Variants in PCDH15 observed in about 807,000 individuals in gnomAD.
PCDH15 encodes protocadherin-15.
In PCDH15, 129 loss-of-function variants were observed where a neutral mutation model predicts 178.5. That is an observed-to-expected ratio of 0.72 (90% CI 0.63 to 0.84). PCDH15 has a LOEUF of 0.84. Among genes scored for constraint, PCDH15 ranks in the 40% least tolerant of loss-of-function variants. PCDH15 has a pLI of 0.00. For missense variants in PCDH15, 2,230 were observed against 2,099.9 expected, an observed-to-expected ratio of 1.06 and a Z score of -1.21; for synonymous variants, 800 against 732.0, an observed-to-expected ratio of 1.09 and a Z score of -1.50.
At chr10:54,445,403 C>A (rs368024302) in intron 3 of PCDH15, among the ~76,000 whole-genome samples, 1 of 151,454 alleles carries the variant, frequency 6.6e-6, no homozygotes, top group Admixed American at 6.6e-5. Context: ...CCTGAATGTG[C>A]AATAAGTTTC....
At chr10:55,245,627 C>T (rs1021387643) in intron 1 of PCDH15, among the ~76,000 whole-genome samples, 8 of 152,034 alleles carry the variant, frequency 5.3e-5, no homozygotes, top group African/African-American at 1.9e-4. Context: ...TATTTCTGAA[C>T]CCTCAAACAG....
At chr10:54,369,359 C>T (rs954926876) in intron 4 of PCDH15, 84 bp from the exon 5 acceptor site, 11 of 1,212,154 alleles carry the variant, frequency 9.1e-6, no homozygotes, top group Admixed American at 3.9e-5. Flanking sequence ...TCATTCAGTA[C>T]ATTTTTCTAT....
chr10:54,748,655 G>C (rs769812774), intron 1 of PCDH15, among the ~76,000 whole-genome samples: 2 of 152,064 alleles, frequency 1.3e-5, no homozygotes, highest in Non-Finnish European at 2.9e-5. Flanking sequence ...AAGGGTTTCC[G>C]GTGCACTCTG....
At chr10:54,033,100 C>G (rs1349466904) in intron 18 of PCDH15, among the ~76,000 whole-genome samples, 3 of 151,876 alleles carry the variant, frequency 2.0e-5, no homozygotes, top group Admixed American at 1.3e-4. Context: ...TTGGTACACA[C>G]AGCCAAACCA....
At chr10:54,407,901 T>C (rs12782584) in intron 3 of PCDH15, among the ~76,000 whole-genome samples, 5,169 of 151,654 alleles carry the variant, frequency 0.034, 140 homozygotes, top group Admixed American at 0.092. Flanking sequence ...ACTAAAAATA[T>C]ACAAATTAGT....
In PCDH15 at chr10:55,547,910, T is replaced by TGTGTGAGAGAGAGAGA. The variant is rs541144266; in HGVS notation, c.-156+79714_-156+79715insTCTCTCTCTCTCACAC. On this transcript the variant is annotated intron_variant, in intron 2 of 5. Transcript: ENST00000613346. ...TGGTGTGTGTGTCTGTGTGTGTGTG[T>TGTGTGAGAGAGAGAGA]GAGAGAGAGAGAGAGAGAGAGAGAG... Among the ~76,000 whole-genome samples, 154 of 54,486 alleles carry TGTGTGAGAGAGAGAGA rather than the reference T, an allele frequency of 2.8e-3. 2 individuals carry two copies. The highest frequency in any genetic ancestry group is 8.7e-3 in the African/African-American group (108 of 12,378). 35.7% of individuals were successfully genotyped at this position (54,486 alleles called of 152,430 possible).
At chr10:54,984,207 C>T (rs1437740862) in intron 2 of PCDH15, among the ~76,000 whole-genome samples, 2 of 152,106 alleles carry the variant, frequency 1.3e-5, no homozygotes, top group Non-Finnish European at 2.9e-5. Flanking sequence ...CTTCTCCTGC[C>T]CTCTTGTCTC....
chr10:55,585,304 T>A (rs11815577), intron 2 of PCDH15, among the ~76,000 whole-genome samples: 48,680 of 151,952 alleles, frequency 0.32, 8,060 homozygotes, highest in African/African-American at 0.42. Flanking sequence ...CTCAGCTATA[T>A]CTTCTTTTAA....
chr10:54,231,529 G>A (rs746087071), intron 9 of PCDH15, among the ~76,000 whole-genome samples: 6 of 152,240 alleles, frequency 3.9e-5, no homozygotes, highest in Non-Finnish European at 8.8e-5. Context: ...CTGGGGCACT[G>A]CCTATTGGAG....
rs149993181 is a variant in PCDH15 at position 55,439,469 on chromosome 10, A to G, written c.-156+188156T>C. ...GAGAATGACCTTCATTCCAGAAAATATGAGTAGAAAAAAAATGAGCAAAAA... is the reference window on the plus strand; with the variant it reads ...GAGAATGACCTTCATTCCAGAAAATGTGAGTAGAAAAAAAATGAGCAAAAA... On this transcript the variant is annotated intron_variant, in intron 2 of 5. Coordinates refer to the PCDH15 transcript ENST00000613346. Among the ~76,000 whole-genome samples, 350 of 152,294 alleles carry G rather than the reference A, an allele frequency of 2.3e-3. 5 individuals are homozygous for G. The highest frequency in any genetic ancestry group is 0.016 in the Admixed American group (247 of 15,286).
intron 18 of PCDH15, among the ~76,000 whole-genome samples, chr10:54,056,152 C>T (rs1218871291): frequency 6.6e-6 from 1 of 152,066 alleles, no homozygotes; most frequent in African/African-American, 2.4e-5. Flanking sequence ...TTATGGGGTA[C>T]ATGTGATATT....
intron 2 of PCDH15, among the ~76,000 whole-genome samples, chr10:54,983,284 G>A (rs1839285544): frequency 6.6e-6 from 1 of 152,068 alleles, no homozygotes; most frequent in Non-Finnish European, 1.5e-5. Context: ...CAATCAGGTA[G>A]TTCTTAGGCT....
chr10:54,174,782 T>G (rs1289565907), intron 13 of PCDH15, among the ~76,000 whole-genome samples: 1 of 139,012 alleles, frequency 7.2e-6, no homozygotes, highest in African/African-American at 2.7e-5. Context: ...CTTGGCTCAC[T>G]GCAACCTCCA....
At chr10:55,007,264 C>A (rs559344447) in intron 2 of PCDH15, among the ~76,000 whole-genome samples, 2 of 152,160 alleles carry the variant, frequency 1.3e-5, no homozygotes, top group Non-Finnish European at 2.9e-5. Context: ...ATACTAAAAC[C>A]AATTTGTGAA....
chr10:55,434,395 G>A (rs1838981298), intron 2 of PCDH15, among the ~76,000 whole-genome samples: 1 of 151,572 alleles, frequency 6.6e-6, no homozygotes, highest in Non-Finnish European at 1.5e-5. Context: ...TTTGTTCTTG[G>A]CTAATTATAT....
At chr10:54,942,248 T>C (rs912103217) in intron 2 of PCDH15, among the ~76,000 whole-genome samples, 3 of 152,050 alleles carry the variant, frequency 2.0e-5, no homozygotes, top group Non-Finnish European at 2.9e-5. Context: ...CTCTGTGTTG[T>C]TCATTAGGAA....
chr10:54,275,778 A>G (rs1243573241), intron 8 of PCDH15, among the ~76,000 whole-genome samples: 1 of 151,708 alleles, frequency 6.6e-6, no homozygotes, highest in African/African-American at 2.4e-5. Context: ...AAATGCTATT[A>G]TACTAGATCT....
At chr10:53,815,223 CTTAATA>C (rs2076019536) in intron 35 of PCDH15, among the ~76,000 whole-genome samples, 1 of 152,064 alleles carries the variant, frequency 6.6e-6, no homozygotes, top group Non-Finnish European at 1.5e-5. Context: ...ATAGAATTAA[CTTAATA>C]TTTAATTATT....
At chr10:54,304,487 G>C (rs1317641923) in intron 8 of PCDH15, among the ~76,000 whole-genome samples, 1 of 152,008 alleles carries the variant, frequency 6.6e-6, no homozygotes, top group Non-Finnish European at 1.5e-5. Flanking sequence ...AACAGCAAAA[G>C]CTTGGGCATG....
Sources: gnomAD v4.1 joint callset for allele counts (sites outside exome capture counted in the v4.1 genomes callset) on GRCh38, gnomAD v4.1.1 for gene constraint, MANE v1.5 for transcripts, NCBI Gene and HGNC (gene_info 2026-07-23, HGNC 2026-07-21) for gene names.